Variants in FAM117B observed in about 807,000 individuals in gnomAD.
FAM117B encodes protein FAM117B.
A neutral mutation model predicts 52.8 loss-of-function variants in FAM117B; 22 were observed. The observed-to-expected ratio is 0.42, with a 90% CI of 0.30 to 0.59. The LOEUF (loss-of-function observed/expected upper bound fraction) is 0.59. Among genes scored for constraint, FAM117B ranks in the 20% least tolerant of loss-of-function variants. The pLI is 0.22. For synonymous variants in FAM117B, 309 were observed against 324.1 expected (o/e 0.95, Z 0.50); for missense variants, 678 against 802.6 (o/e 0.84, Z 1.88).
intron 2 of FAM117B, among the ~76,000 whole-genome samples, chr2:202,702,537 A>G (rs1412880822): frequency 2.6e-5 from 4 of 152,222 alleles, no homozygotes; most frequent in Admixed American, 1.3e-4. Context: ...ATTGTGACTT[A>G]TTGAAGGCTC....
intron 4 of FAM117B, among the ~76,000 whole-genome samples, chr2:202,753,435 A>G (rs1276580856): frequency 6.6e-6 from 1 of 152,226 alleles, no homozygotes; most frequent in African/African-American, 2.4e-5. Context: ...AGGCAATACC[A>G]TTCAGGACAC....
At chr2:202,636,166 C>CT (rs1689683645) in intron 1 of FAM117B, among the ~76,000 whole-genome samples, 2 of 152,220 alleles carry the variant, frequency 1.3e-5, no homozygotes, top group Non-Finnish European at 2.9e-5. Flanking sequence ...TGGTTTGTCA[C>CT]TTTGTTTTAG....
chr2:202,655,730 GA>G (rs1690044253), intron 1 of FAM117B, among the ~76,000 whole-genome samples: 2 of 147,798 alleles, frequency 1.4e-5, no homozygotes, highest in Non-Finnish European at 3.0e-5. Flanking sequence ...GAGAGAGAGA[GA>G]GAGAGAGAGA....
At chr2:202,635,868 C>G in intron 1 of FAM117B, 80 bp downstream of exon 1, 1 of 1,267,736 alleles carries the variant, frequency 7.9e-7, no homozygotes, top group Non-Finnish European at 1.0e-6. Flanking sequence ...CGCGCGGGGA[C>G]TGCAGAGCTG....
At position 202,635,379 on chromosome 2, in the gene FAM117B, C is replaced by A. The variant is rs1574534352; in HGVS notation, c.192C>A (p.Asn64Lys). 32 of 1,362,628 alleles carry A rather than the reference C, an allele frequency of 2.3e-5. No homozygotes were observed. The highest frequency in any genetic ancestry group is 2.7e-5 in the Non-Finnish European group (29 of 1,060,622). 84.4% of individuals were successfully genotyped at this position (1,362,628 alleles called of 1,614,324 possible). A position where few individuals can be genotyped will look rare whatever the true frequency, so the allele number is the denominator to read the frequency against. The part of the protein sequence containing the change: ...PTRSGGGGGG[N>K]NNGGCCGGAS... ...GGAGCGGCGGCGGCGGCGGCGGCAA[C>A]AACAACGGTGGCTGCTGTGGTGGCG... The change falls in exon 1 of 8, where the codon AAC (asparagine) becomes AAA (lysine). Residue 64 changes from asparagine to lysine, a missense_variant. Coordinates refer to ENST00000392238, the MANE Select transcript of FAM117B (RefSeq NM_173511.4).
At chr2:202,678,341 G>T (rs1023343355) in intron 1 of FAM117B, among the ~76,000 whole-genome samples, 1 of 152,102 alleles carries the variant, frequency 6.6e-6, no homozygotes, top group Non-Finnish European at 1.5e-5. Context: ...TGGAGGAGGT[G>T]GTGTTTGATT....
At position 202,746,941 on chromosome 2, in the gene FAM117B, A is replaced by C. The variant is rs1161979189; in HGVS notation, c.961-8597A>C. Among the ~76,000 whole-genome samples, 3 of 138,026 alleles carry C rather than the reference A, an allele frequency of 2.2e-5. No homozygotes were observed. In the Admixed American group the frequency reaches 2.3e-4, roughly 10 times the overall value. 90.6% of individuals were successfully genotyped at this position (138,026 alleles called of 152,430 possible). ...AAAACCAGACACAGGCACAACAGCC[A>C]CCACCGGAAAAAAAAACAAAACAAA... On this transcript the variant is annotated intron_variant, in intron 4 of 7. Coordinates refer to ENST00000392238, the MANE Select transcript of FAM117B (RefSeq NM_173511.4).
In FAM117B at chr2:202,694,188, C is replaced by CTTTTTTTTTTTTTTT. The variant is rs757843381; in HGVS notation, c.602-1686_602-1672dup. ...GAAGATGTTATTGCAAAACCCACTTCTTTTTTTTTTTTTTTTTTTTTGAGA... is the reference window on the plus strand; with the variant it reads ...GAAGATGTTATTGCAAAACCCACTTCTTTTTTTTTTTTTTTTTTTTTTTTTTTTTTTTTTTTGAGA... On this transcript the variant is annotated intron_variant, in intron 1 of 7. Coordinates refer to ENST00000392238, the MANE Select transcript of FAM117B (RefSeq NM_173511.4). 5.9e-4 allele frequency among the ~76,000 whole-genome samples: 58 copies of CTTTTTTTTTTTTTTT among 99,064 alleles called. 6 individuals are homozygous for CTTTTTTTTTTTTTTT. Among genetic ancestry groups the CTTTTTTTTTTTTTTT allele is most frequent in the African/African-American group, 2.4e-3 (54 of 22,868 alleles). The allele number at this position is 99,064 out of a possible 152,430, so 65.0% of individuals were successfully genotyped here. A position where few individuals can be genotyped will look rare whatever the true frequency, so the allele number is the denominator to read the frequency against.
intron 4 of FAM117B, among the ~76,000 whole-genome samples, chr2:202,728,707 T>A (rs1427546526): frequency 6.6e-6 from 1 of 152,234 alleles, no homozygotes; most frequent in African/African-American, 2.4e-5. Flanking sequence ...CTTCAGAAGT[T>A]TCTGAAGTGA....
chr2:202,670,100 C>A (rs1366578629), intron 1 of FAM117B, among the ~76,000 whole-genome samples: 1 of 152,152 alleles, frequency 6.6e-6, no homozygotes, highest in Admixed American at 6.5e-5. Context: ...TTCTCACGTA[C>A]TGTCTAAATC....
At chr2:202,697,099 A>G (rs78573111) in intron 2 of FAM117B, among the ~76,000 whole-genome samples, 3,754 of 152,246 alleles carry the variant, frequency 0.025, 62 homozygotes, top group Non-Finnish European at 0.037. Context: ...AGAAGAAATC[A>G]TTCAGGTCTA....
intron 1 of FAM117B, among the ~76,000 whole-genome samples, chr2:202,645,546 C>T (rs1689848422): frequency 6.6e-6 from 1 of 152,048 alleles, no homozygotes; most frequent in South Asian, 2.1e-4. Flanking sequence ...GCCTCGGCCT[C>T]CCAAAGTGCT....
chr2:202,701,722 TGTG>T (rs898315902), intron 2 of FAM117B, among the ~76,000 whole-genome samples: 1 of 152,182 alleles, frequency 6.6e-6, no homozygotes, highest in African/African-American at 2.4e-5. Context: ...TCATTGCAGA[TGTG>T]GTGGAAATAG....
intron 3 of FAM117B, 67 bp from the exon 4 acceptor site, chr2:202,726,183 A>T: frequency 9.6e-7 from 1 of 1,038,032 alleles, no homozygotes; most frequent in Non-Finnish European, 1.5e-6. Flanking sequence ...GGTTCTTATT[A>T]AGCAAGGATG....
intron 2 of FAM117B, among the ~76,000 whole-genome samples, chr2:202,701,606 T>C (rs1311507486): frequency 6.6e-6 from 1 of 152,248 alleles, no homozygotes; most frequent in Non-Finnish European, 1.5e-5. Context: ...AGAACATTTG[T>C]GATTTGTAGG....
intron 2 of FAM117B, among the ~76,000 whole-genome samples, chr2:202,718,866 C>G (rs763843679): frequency 6.6e-6 from 1 of 152,124 alleles, no homozygotes; most frequent in Non-Finnish European, 1.5e-5. Context: ...CCTTCAAATT[C>G]TGGATTAGAT....
At chr2:202,756,035 A>G (rs544852840) in intron 5 of FAM117B, among the ~76,000 whole-genome samples, 2 of 152,230 alleles carry the variant, frequency 1.3e-5, no homozygotes, top group Non-Finnish European at 1.5e-5. Flanking sequence ...AATACCTTCT[A>G]AGCATGAATC....
intron 2 of FAM117B, among the ~76,000 whole-genome samples, chr2:202,710,323 A>G (rs1323048143): frequency 1.3e-5 from 2 of 152,112 alleles, no homozygotes; most frequent in South Asian, 2.1e-4. Context: ...TTTTCTGTAT[A>G]TAAGTCTTTC....
chr2:202,738,723 A>AT (rs1431697076), intron 4 of FAM117B, among the ~76,000 whole-genome samples: 1 of 152,084 alleles, frequency 6.6e-6, no homozygotes, highest in East Asian at 1.9e-4. Context: ...TCAGAGTCTC[A>AT]TTTTTTCAAT....
Sources: gnomAD v4.1 joint callset for allele counts (sites outside exome capture counted in the v4.1 genomes callset) on GRCh38, gnomAD v4.1.1 for gene constraint, MANE v1.5 for transcripts, NCBI Gene and HGNC (gene_info 2026-07-23, HGNC 2026-07-21) for gene names.